Variants in TMEM132C observed in about 807,000 individuals in gnomAD.
TMEM132C encodes the protein protein phosphatase 1, regulatory subunit 152.
TMEM132C carries 29 observed loss-of-function variants against 61.4 expected under a neutral mutation model. That is an observed-to-expected ratio of 0.47 (90% confidence interval 0.35 to 0.64). The LOEUF (loss-of-function observed/expected upper bound fraction) is 0.64. Among genes scored for constraint, TMEM132C ranks in the 30% least tolerant of loss-of-function variants. The probability of loss-of-function intolerance (pLI) is 0.00; values close to 1 mark genes in which losing one functional copy is unlikely to be tolerated. For synonymous variants in TMEM132C, 656 were observed against 633.1 expected, an observed-to-expected ratio of 1.04 and a Z score of -0.54; for missense variants, 1,408 against 1,476.9, an observed-to-expected ratio of 0.95 and a Z score of 0.76.
intron 2 of TMEM132C, among the ~76,000 whole-genome samples, chr12:128,517,818 T>C (rs967348297): frequency 7.2e-5 from 11 of 152,192 alleles, no homozygotes; most frequent in Admixed American, 6.5e-4. Flanking sequence ...GGAGGGTAGA[T>C]GAGCCAGGAT....
intron 2 of TMEM132C, among the ~76,000 whole-genome samples, chr12:128,492,868 G>A (rs1247521282): frequency 1.3e-5 from 2 of 152,172 alleles, no homozygotes; most frequent in African/African-American, 4.8e-5. Context: ...GGTCCCATTT[G>A]TCAATTTTGG....
At chr12:128,298,784 G>A (rs1433679004) in intron 1 of TMEM132C, among the ~76,000 whole-genome samples, 2 of 152,236 alleles carry the variant, frequency 1.3e-5, no homozygotes, top group East Asian at 3.8e-4. Flanking sequence ...TTCTTTGGGG[G>A]AATGTTTTTC....
intron 1 of TMEM132C, among the ~76,000 whole-genome samples, chr12:128,272,968 G>A (rs7308743): frequency 0.28 from 43,177 of 152,000 alleles, 7,056 homozygotes; most frequent in Middle Eastern, 0.39. Context: ...AAGAGCAGAG[G>A]TGTTACATTT....
intron 2 of TMEM132C, among the ~76,000 whole-genome samples, chr12:128,501,691 C>T (rs115117031): frequency 0.012 from 1,820 of 152,214 alleles, 36 homozygotes; most frequent in African/African-American, 0.041. Flanking sequence ...ATGATTCAAC[C>T]GCCAACCACA....
At chr12:128,512,037 C>T (rs1361349456) in intron 2 of TMEM132C, among the ~76,000 whole-genome samples, 5 of 152,150 alleles carry the variant, frequency 3.3e-5, no homozygotes, top group Admixed American at 6.5e-5. Context: ...CAAGGCCCCT[C>T]GAGCTCCGCC....
chr12:128,413,298 CAAAAAAAAA>C (rs56026776), intron 1 of TMEM132C, among the ~76,000 whole-genome samples: 3 of 60,580 alleles, frequency 5.0e-5, no homozygotes, highest in Admixed American at 3.1e-4. Context: ...GACTCTGTCT[CAAAAAAAAA>C]AAAAAAAAAA....
chr12:128,553,233 G>A (rs1174431194), intron 3 of TMEM132C, among the ~76,000 whole-genome samples: 2 of 152,208 alleles, frequency 1.3e-5, no homozygotes, highest in Non-Finnish European at 2.9e-5. Flanking sequence ...GCTGTCCTGG[G>A]CCACACACGC....
intron 3 of TMEM132C, among the ~76,000 whole-genome samples, chr12:128,559,595 G>A (rs1404110945): frequency 6.6e-6 from 1 of 152,162 alleles, no homozygotes. Context: ...CTCATAAGCT[G>A]TTTGATCCTT....
In TMEM132C at chr12:128,705,845, G is replaced by A; in HGVS notation, c.2877G>A (p.Leu959=). The change falls in exon 9 of 9, where the codon CTG becomes CTA. Residue 959 remains leucine, a synonymous_variant. Coordinates refer to ENST00000435159, the MANE Select transcript of TMEM132C (RefSeq NM_001136103.3). ...ALKYRHKQVP[L]EGQASMTHSH... is the part of the protein sequence containing the mutation. ...AGTACAGGCACAAGCAAGTGCCCCT[G>A]GAAGGTCAGGCCTCCATGACCCACT... 7 of 1,551,656 alleles carry A rather than the reference G, an allele frequency of 4.5e-6. No individual in the cohort carries two copies. Among genetic ancestry groups the A allele is most frequent in the Non-Finnish European group, 6.1e-6 (7 of 1,147,050 alleles).
chr12:128,644,123 G>T lies in TMEM132C; in HGVS notation c.1306-25294G>T, dbSNP rs1954178389. 1.3e-5 allele frequency among the ~76,000 whole-genome samples: 2 copies of T among 152,218 alleles called. 1 individual carries two copies. The highest frequency in any genetic ancestry group is 4.1e-4 in the South Asian group (2 of 4,828). ...TACCAAGTGTTGGTGTGGATGTGGG[G>T]AACTGGAACCTGCATGCGCTGGTGG... On this transcript the variant is annotated intron_variant, in intron 4 of 8. Coordinates refer to ENST00000435159, the MANE Select transcript of TMEM132C (RefSeq NM_001136103.3).
intron 2 of TMEM132C, among the ~76,000 whole-genome samples, chr12:128,429,075 C>G (rs1173836280): frequency 1.3e-5 from 2 of 152,154 alleles, no homozygotes; most frequent in Non-Finnish European, 2.9e-5. Context: ...CAGCATCTAC[C>G]TTCTTTGGGA....
intron 3 of TMEM132C, among the ~76,000 whole-genome samples, chr12:128,610,944 C>T (rs1313866313): frequency 1.3e-5 from 2 of 152,094 alleles, no homozygotes; most frequent in Non-Finnish European, 2.9e-5. Context: ...CAAAAGTGTG[C>T]CTGAATGGTG....
At chr12:128,402,554 T>C (rs1446576823) in intron 1 of TMEM132C, among the ~76,000 whole-genome samples, 1 of 152,228 alleles carries the variant, frequency 6.6e-6, no homozygotes, top group Non-Finnish European at 1.5e-5. Flanking sequence ...CGTAGGAAAC[T>C]GACACACCGT....
At chr12:128,335,400 A>G (rs1872767825) in intron 1 of TMEM132C, among the ~76,000 whole-genome samples, 1 of 152,202 alleles carries the variant, frequency 6.6e-6, no homozygotes, top group African/African-American at 2.4e-5. Context: ...TGTTTTACAT[A>G]TTGGCATTTG....
rs183386121 is a variant in TMEM132C, at chr12:128,604,147, A to G, written c.1122-12005A>G. Reference sequence around the variant, plus strand: ...CAGAGACATAGAACCAATGGGGTGGATGAGTCCATAGATATAGATTTAGGT... The same window carrying G: ...CAGAGACATAGAACCAATGGGGTGGGTGAGTCCATAGATATAGATTTAGGT... On this transcript the variant is annotated intron_variant, in intron 3 of 8. Coordinates refer to ENST00000435159, the MANE Select transcript of TMEM132C (RefSeq NM_001136103.3). Among the ~76,000 whole-genome samples the G allele has an allele frequency of 2.1e-3, 327 of 152,336 alleles. 3 individuals are homozygous for G. The highest frequency in any genetic ancestry group is 7.0e-3 in the African/African-American group (293 of 41,564).
At position 128,456,926 on chromosome 12, in the gene TMEM132C, C is replaced by T. The variant is rs180766207; in HGVS notation, c.974+41306C>T. ...GGATTCTTACATAATACACTATTTT[C>T]GCTGGCTTCCTTAGCTCCGCGTGTT... On this transcript the variant is annotated intron_variant, in intron 2 of 8. Transcript: ENST00000435159. 2.6e-5 allele frequency among the ~76,000 whole-genome samples: 4 copies of T among 152,246 alleles called. No individual in the cohort carries two copies. In the East Asian group the frequency reaches 5.8e-4, roughly 22 times the overall value.
chr12:128,672,500 C>T (rs1382444339), intron 5 of TMEM132C, among the ~76,000 whole-genome samples: 1 of 152,130 alleles, frequency 6.6e-6, no homozygotes, highest in Non-Finnish European at 1.5e-5. Context: ...ACTAATATCT[C>T]CAGGAATTAT....
chr12:128,666,108 AAC>A (rs1435874698), intron 4 of TMEM132C, among the ~76,000 whole-genome samples: 5 of 86,766 alleles, frequency 5.8e-5, no homozygotes, highest in South Asian at 7.8e-4. Context: ...CATACCCATA[AAC>A]ACACAGGCAC....
At chr12:128,620,757 T>C (rs1953956608) in intron 4 of TMEM132C, among the ~76,000 whole-genome samples, 1 of 152,062 alleles carries the variant, frequency 6.6e-6, no homozygotes, top group Non-Finnish European at 1.5e-5. Flanking sequence ...CATTATGAAA[T>C]CATTTTCCTT....
Sources: gnomAD v4.1 joint callset for allele counts (sites outside exome capture counted in the v4.1 genomes callset) on GRCh38, gnomAD v4.1.1 for gene constraint, MANE v1.5 for transcripts, NCBI Gene and HGNC (gene_info 2026-07-23, HGNC 2026-07-21) for gene names.